The following OXR1 variants were observed in gnomAD, a reference collection of about 807,000 sequenced individuals.
OXR1 encodes the protein oxidation resistance protein 1.
A neutral mutation model predicts 104.6 loss-of-function variants in OXR1; 41 were observed. That is an observed-to-expected ratio of 0.39 (90% confidence interval 0.31 to 0.51). The LOEUF is 0.51. OXR1 is among the 20% of genes least tolerant of loss of function. The probability of loss-of-function intolerance (pLI) is 0.77; values close to 1 mark genes in which losing one functional copy is unlikely to be tolerated. For synonymous variants in OXR1, 348 were observed against 348.4 expected, an observed-to-expected ratio of 1.00 and a Z score of 0.01; for missense variants, 955 against 1,031.9, an observed-to-expected ratio of 0.93 and a Z score of 1.02.
At chr8:106,520,532 T>C (rs955111323) in intron 3 of OXR1, 1 of 152,230 alleles carries the variant, frequency 6.6e-6, no homozygotes, top group African/African-American at 2.4e-5. Context: ...ATTCTCAGGC[T>C]TCCTTTTTCC....
chr8:106,272,487 T>C (rs11549658), intron 1 of OXR1: 16,833 of 152,200 alleles, frequency 0.11, 1,017 homozygotes, highest in Middle Eastern at 0.17. Flanking sequence ...CAGAAATAGT[T>C]CAGGACATCA....
At chr8:106,579,004 C>A (rs1296836972) in intron 3 of OXR1, among the ~76,000 whole-genome samples, 1 of 47,558 alleles carries the variant, frequency 2.1e-5, no homozygotes, top group Non-Finnish European at 4.4e-5. Context: ...TTTTTTTTTG[C>A]CTAGTATGAA....
chr8:106,360,776 G>T (rs989111073), intron 2 of OXR1, among the ~76,000 whole-genome samples: 1 of 152,102 alleles, frequency 6.6e-6, no homozygotes, highest in Non-Finnish European at 1.5e-5. Flanking sequence ...TGTAGAACCT[G>T]TGAGTCATTT....
At chr8:106,335,044 GCA>G (rs1413907217) in intron 1 of OXR1, among the ~76,000 whole-genome samples, 1 of 141,950 alleles carries the variant, frequency 7.0e-6, no homozygotes, top group Non-Finnish European at 1.5e-5. Context: ...ACACACAAAT[GCA>G]CACACACACA....
chr8:106,662,666 T>C (rs1198161387), intron 3 of OXR1, among the ~76,000 whole-genome samples: 4 of 152,218 alleles, frequency 2.6e-5, no homozygotes, highest in Non-Finnish European at 5.9e-5. Flanking sequence ...TTAATGATCC[T>C]GTCTAGTTGG....
intron 3 of OXR1, among the ~76,000 whole-genome samples, chr8:106,670,433 A>T (rs3101534): frequency 0.29 from 44,712 of 152,090 alleles, 8,444 homozygotes; most frequent in African/African-American, 0.54. Flanking sequence ...CAAAATAGGC[A>T]CATGACAAGA....
At chr8:106,371,454 C>G (rs1419610251) in intron 2 of OXR1, among the ~76,000 whole-genome samples, 1 of 152,014 alleles carries the variant, frequency 6.6e-6, no homozygotes, top group African/African-American at 2.4e-5. Flanking sequence ...TTAGTTTGCT[C>G]TTGCCTCTCT....
At chr8:106,392,034 G>T (rs1817603518) in intron 2 of OXR1, among the ~76,000 whole-genome samples, 1 of 152,280 alleles carries the variant, frequency 6.6e-6, no homozygotes, top group Admixed American at 6.5e-5. Flanking sequence ...CATCAGAGCT[G>T]CAGGACGTTT....
intron 1 of OXR1, among the ~76,000 whole-genome samples, chr8:106,281,685 A>G (rs1396782770): frequency 6.6e-6 from 1 of 151,800 alleles, no homozygotes. Flanking sequence ...CTGTAGTCCC[A>G]GCTACATGGG....
At position 106,691,984 on chromosome 8, in the gene OXR1, T is replaced by TACAC. The variant is rs1427957480; in HGVS notation, c.526-743_526-742insCACA. ...ATATATGTGTGTGTGTGTCTATATATATACACACACACACACACACATATA... is the reference window on the plus strand; with the variant it reads ...ATATATGTGTGTGTGTGTCTATATATACACATACACACACACACACACACATATA... On this transcript the variant is annotated intron_variant, in intron 6 of 16. Transcript: ENST00000517566. Among the ~76,000 whole-genome samples, 31 of 149,050 alleles carry TACAC rather than the reference T, an allele frequency of 2.1e-4. No homozygotes were observed. In the South Asian group the frequency reaches 5.0e-3, roughly 24 times the overall value.
At chr8:106,352,920 A>G (rs1488559957) in intron 1 of OXR1, among the ~76,000 whole-genome samples, 1 of 152,236 alleles carries the variant, frequency 6.6e-6, no homozygotes, top group African/African-American at 2.4e-5. Flanking sequence ...AGAATTAATA[A>G]CAAGATAACA....
At position 106,751,606 on chromosome 8, in the gene OXR1, T is replaced by C. The variant is rs1291993470; in HGVS notation, c.*665T>C. ...ATGATCTGCAGGTTTGGGCATATGCTTTCATCATTAAATTATCTGATAAAG... is the reference window on the plus strand; with the variant it reads ...ATGATCTGCAGGTTTGGGCATATGCCTTCATCATTAAATTATCTGATAAAG... On this transcript the variant is annotated 3_prime_UTR_variant, in exon 17 of 17. Coordinates refer to ENST00000517566, the MANE Select transcript of OXR1 (RefSeq NM_001198533.2). The C allele has an allele frequency of 6.6e-6, 1 of 152,594 alleles. No homozygotes were observed. Among genetic ancestry groups the C allele is most frequent in the Non-Finnish European group, 1.5e-5 (1 of 68,010 alleles). The allele number at this position is 152,594 out of a possible 1,614,324, so 9.5% of individuals were successfully genotyped here. A position where few individuals can be genotyped will look rare whatever the true frequency, so the allele number is the denominator to read the frequency against.
At chr8:106,375,071 G>C (rs1215296919) in intron 2 of OXR1, among the ~76,000 whole-genome samples, 1 of 152,178 alleles carries the variant, frequency 6.6e-6, no homozygotes, top group Non-Finnish European at 1.5e-5. Context: ...TGACGTCCCT[G>C]TGTGTATTTT....
rs376936706 is a variant in OXR1, at chr8:106,321,906, A to C, written c.-138-37570A>C. Among the ~76,000 whole-genome samples, 29 of 152,346 alleles carry C rather than the reference A, an allele frequency of 1.9e-4. No homozygotes were observed. The South Asian group carries it at 5.8e-3, about 30-fold the overall frequency. On this transcript the variant is annotated intron_variant, in intron 1 of 16. Coordinates refer to ENST00000517566, the MANE Select transcript of OXR1 (RefSeq NM_001198533.2). Reference sequence around the variant, plus strand: ...CTAGTTGAAAGATAAATTTGTCATGACATCTCTTAATACAACTTTATATAT... The same window carrying C: ...CTAGTTGAAAGATAAATTTGTCATGCCATCTCTTAATACAACTTTATATAT...
chr8:106,458,625 C>T (rs1412026770), intron 2 of OXR1, among the ~76,000 whole-genome samples: 2 of 152,088 alleles, frequency 1.3e-5, no homozygotes, highest in African/African-American at 4.8e-5. Context: ...CAGCATCAGC[C>T]TGGGAGAACT....
chr8:106,614,260 T>C (rs1821021442), intron 3 of OXR1, among the ~76,000 whole-genome samples: 2 of 152,212 alleles, frequency 1.3e-5, no homozygotes, highest in African/African-American at 4.8e-5. Context: ...AAGTTCTAAT[T>C]ATATTCTCAA....
At chr8:106,459,077 T>C (rs542168712) in intron 2 of OXR1, among the ~76,000 whole-genome samples, 1 of 152,236 alleles carries the variant, frequency 6.6e-6, no homozygotes, top group Non-Finnish European at 1.5e-5. Context: ...TATTTTGCAC[T>C]GTTAGAAGGA....
intron 2 of OXR1, among the ~76,000 whole-genome samples, chr8:106,424,539 C>T (rs1412207022): frequency 3.3e-5 from 5 of 152,090 alleles, no homozygotes; most frequent in African/African-American, 1.2e-4. Context: ...TTTGGTCATA[C>T]TTAGATTGTT....
chr8:106,515,891 C>CT (rs1812826099), intron 2 of OXR1, among the ~76,000 whole-genome samples: 1 of 152,126 alleles, frequency 6.6e-6, no homozygotes, highest in Admixed American at 6.6e-5. Flanking sequence ...ATTCAGCTTG[C>CT]TTAACTGTGA....
Sources: gnomAD v4.1 joint callset for allele counts (sites outside exome capture counted in the v4.1 genomes callset) on GRCh38, gnomAD v4.1.1 for gene constraint, MANE v1.5 for transcripts, NCBI Gene and HGNC (gene_info 2026-07-23, HGNC 2026-07-21) for gene names.